MED27: variants seen among roughly 807,000 people sequenced by gnomAD.
The protein encoded by MED27 is mediator of RNA polymerase II transcription subunit 27.
Under a neutral mutation model 38.2 loss-of-function variants are expected in MED27, and 30 were observed. That is an observed-to-expected ratio of 0.79 (90% CI 0.59 to 1.07). MED27 has a LOEUF of 1.07. MED27 is among the 50% of genes least tolerant of loss of function. The pLI is 0.00. For synonymous variants in MED27, 122 were observed against 153.5 expected, an observed-to-expected ratio of 0.79 and a Z score of 1.52; for missense variants, 289 against 397.5, an observed-to-expected ratio of 0.73 and a Z score of 2.32.
chr9:131,899,167 C>T (rs900688759), intron 4 of MED27, among the ~76,000 whole-genome samples: 5 of 152,130 alleles, frequency 3.3e-5, no homozygotes, highest in South Asian at 2.1e-4. Flanking sequence ...GGAGGTGAAA[C>T]GGTTTGAAGC....
In MED27 at chr9:132,077,597, A is replaced by G; in HGVS notation, c.204-11T>C. 1.2e-6 allele frequency: 2 copies of G among 1,614,106 alleles called. No individual in the cohort carries two copies. Among genetic ancestry groups the G allele is most frequent in the Non-Finnish European group, 1.7e-6 (2 of 1,179,996 alleles). On this transcript the variant is annotated splice_polypyrimidine_tract_variant and intron_variant, in intron 1 of 7. Coordinates refer to ENST00000292035, the MANE Select transcript of MED27 (RefSeq NM_004269.4). The stretch of plus-strand genomic sequence containing the variant: ...AGACGTTCCAGCTCACTGAAAAGCA[A>G]AGAGACAAGGCAAATAAACCTAAGC...
At chr9:131,970,175 T>C (rs1380367696) in intron 3 of MED27, among the ~76,000 whole-genome samples, 1 of 152,158 alleles carries the variant, frequency 6.6e-6, no homozygotes, top group Non-Finnish European at 1.5e-5. Flanking sequence ...TACAAAAGGG[T>C]CACCAAGGGG....
intron 3 of MED27, among the ~76,000 whole-genome samples, chr9:131,965,323 G>A (rs1266681525): frequency 6.6e-6 from 1 of 152,206 alleles, no homozygotes; most frequent in African/African-American, 2.4e-5. Flanking sequence ...ATGGCATTAA[G>A]TGCCTGACTC....
intron 2 of MED27, among the ~76,000 whole-genome samples, chr9:132,059,561 G>C (rs1833655454): frequency 6.6e-6 from 1 of 152,222 alleles, no homozygotes; most frequent in African/African-American, 2.4e-5. Flanking sequence ...CTCTGAGCCA[G>C]AGGCAGCAAT....
chr9:132,075,359 T>C (rs1834022152), intron 2 of MED27, among the ~76,000 whole-genome samples: 1 of 152,134 alleles, frequency 6.6e-6, no homozygotes. Context: ...TGAAAGAACA[T>C]GGTTCTTTTA....
At chr9:131,894,639 A>G (rs892665696) in intron 4 of MED27, among the ~76,000 whole-genome samples, 1 of 152,168 alleles carries the variant, frequency 6.6e-6, no homozygotes, top group Non-Finnish European at 1.5e-5. Flanking sequence ...AAAATCCTAA[A>G]AAAAGTGCAG....
chr9:131,901,179 T>C (rs1263424474), intron 4 of MED27, among the ~76,000 whole-genome samples: 2 of 152,024 alleles, frequency 1.3e-5, no homozygotes, highest in Non-Finnish European at 1.5e-5. Context: ...ATTTAGGAAG[T>C]GTTTTCCTTC....
At chr9:132,014,952 T>C (rs1328702665) in intron 2 of MED27, among the ~76,000 whole-genome samples, 3 of 152,232 alleles carry the variant, frequency 2.0e-5, no homozygotes, top group Non-Finnish European at 4.4e-5. Context: ...CTACGTAATT[T>C]TTTAATAAGA....
At chr9:132,073,033 T>A (rs1359108347) in intron 2 of MED27, among the ~76,000 whole-genome samples, 1 of 152,080 alleles carries the variant, frequency 6.6e-6, no homozygotes, top group Non-Finnish European at 1.5e-5. Context: ...CAGCTCAAAT[T>A]AGCCTGACTC....
chr9:131,922,635 C>CTTTT (rs140015151), intron 4 of MED27, among the ~76,000 whole-genome samples: 6 of 150,868 alleles, frequency 4.0e-5, no homozygotes, highest in African/African-American at 9.7e-5. Context: ...TTATTTTTTT[C>CTTTT]TTTTCTTTTA....
Position 132,026,763 on chromosome 9 carries a change from C to T in MED27, c.349-12296G>A, listed in dbSNP as rs973669872. Among the ~76,000 whole-genome samples the T allele has an allele frequency of 1.3e-5, 2 of 152,130 alleles. 1 individual carries two copies. The highest frequency in any genetic ancestry group is 3.9e-4 in the East Asian group (2 of 5,192). ...TACATCCCCAGTGTCCAGAACAGTG[C>T]TTGGCCTATCAATAAAAAAAAAAAT... On this transcript the variant is annotated intron_variant, in intron 2 of 7. Transcript: ENST00000292035.
At chr9:132,013,297 T>C (rs963013111) in intron 3 of MED27, among the ~76,000 whole-genome samples, 2 of 152,222 alleles carry the variant, frequency 1.3e-5, no homozygotes, top group African/African-American at 4.8e-5. Context: ...ACATATGATG[T>C]TGAGTGAAAA....
chr9:131,908,566 T>G (rs1332535205), intron 4 of MED27, among the ~76,000 whole-genome samples: 5 of 152,220 alleles, frequency 3.3e-5, no homozygotes, highest in Non-Finnish European at 5.9e-5. Flanking sequence ...CCTGTTGATC[T>G]GTGACCTTAC....
At position 132,058,866 on chromosome 9, in the gene MED27, C is replaced by T. The variant is rs187034677; in HGVS notation, c.348+18576G>A. ...GAAATCATGATGCATTTTACGGTCACAGTGTCTGAAAATTACCTGTGGCAG... is the reference window on the plus strand; with the variant it reads ...GAAATCATGATGCATTTTACGGTCATAGTGTCTGAAAATTACCTGTGGCAG... On this transcript the variant is annotated intron_variant, in intron 2 of 7. Transcript: ENST00000292035. Among the ~76,000 whole-genome samples the T allele has an allele frequency of 5.5e-3, 844 of 152,360 alleles. 3 individuals carry two copies. The highest frequency in any genetic ancestry group is 8.4e-3 in the Non-Finnish European group (569 of 68,044).
intron 2 of MED27, among the ~76,000 whole-genome samples, chr9:132,039,742 C>T (rs955929596): frequency 1.3e-5 from 2 of 152,148 alleles, no homozygotes; most frequent in Admixed American, 6.5e-5. Flanking sequence ...GCAATCCCTC[C>T]TACCCCTTAA....
At chr9:131,989,067 G>A (rs1831915529) in intron 3 of MED27, among the ~76,000 whole-genome samples, 1 of 152,108 alleles carries the variant, frequency 6.6e-6, no homozygotes, top group South Asian at 2.1e-4. Flanking sequence ...TTCTGAAGGA[G>A]GATCTTCAGA....
chr9:132,043,642 A>C (rs978042365), intron 2 of MED27, among the ~76,000 whole-genome samples: 1 of 152,202 alleles, frequency 6.6e-6, no homozygotes, highest in African/African-American at 2.4e-5. Flanking sequence ...AAACTGAAAA[A>C]AATAATTTTC....
chr9:131,991,957 G>A (rs1453975600), intron 3 of MED27, among the ~76,000 whole-genome samples: 2 of 152,128 alleles, frequency 1.3e-5, no homozygotes, highest in Non-Finnish European at 2.9e-5. Flanking sequence ...TCCTGACCTC[G>A]TGATCTGCCT....
intron 4 of MED27, among the ~76,000 whole-genome samples, chr9:131,935,654 T>C (rs1436335696): frequency 6.6e-6 from 1 of 152,038 alleles, no homozygotes; most frequent in Non-Finnish European, 1.5e-5. Flanking sequence ...ATGTGGCAAA[T>C]TGCATTTTAA....
Sources: allele counts gnomAD v4.1 joint callset (sites outside exome capture counted in the v4.1 genomes callset), GRCh38; gene constraint gnomAD v4.1.1; transcripts MANE v1.5; gene names NCBI Gene and HGNC (gene_info 2026-07-23, HGNC 2026-07-21).